The following PREP variants were observed in gnomAD, a reference collection of about 807,000 sequenced individuals.
The protein encoded by PREP is dJ355L5.1 (prolyl endopeptidase).
Under a neutral mutation model 87.6 loss-of-function variants are expected in PREP, and 29 were observed. That is an observed-to-expected ratio of 0.33 (90% confidence interval 0.25 to 0.45). The LOEUF is 0.45. Among genes scored for constraint, PREP ranks in the 20% least tolerant of loss-of-function variants. The probability of loss-of-function intolerance (pLI) is 1.00; values close to 1 mark genes in which losing one functional copy is unlikely to be tolerated. For missense variants in PREP, 695 were observed against 886.5 expected (o/e 0.78, Z 2.74); for synonymous variants, 337 against 328.6 (o/e 1.03, Z -0.28).
intron 7 of PREP, among the ~76,000 whole-genome samples, chr6:105,337,119 G>A (rs748160561): frequency 9.9e-5 from 15 of 151,954 alleles, no homozygotes; most frequent in East Asian, 1.9e-4. Flanking sequence ...TACCGTATTC[G>A]TTTTTCACTA....
At chr6:105,286,152 T>C (rs1770185478) in intron 11 of PREP, among the ~76,000 whole-genome samples, 1 of 152,166 alleles carries the variant, frequency 6.6e-6, no homozygotes, top group Non-Finnish European at 1.5e-5. Context: ...CCATTCATAA[T>C]ATAAACAAAC....
chr6:105,398,016 G>A, intron 1 of PREP, 89 bp from the exon 2 acceptor site: 1 of 1,047,846 alleles, frequency 9.5e-7, no homozygotes, highest in Non-Finnish European at 1.4e-6. Flanking sequence ...AAATAGGAAA[G>A]GGATGGACAA....
chr6:105,310,503 A>C (rs978082473), intron 10 of PREP, among the ~76,000 whole-genome samples: 1 of 151,928 alleles, frequency 6.6e-6, no homozygotes, highest in Admixed American at 6.6e-5. Context: ...TTCCTTCCTC[A>C]TTTGCCCAAC....
chr6:105,367,100 A>C (rs976136850), intron 6 of PREP, among the ~76,000 whole-genome samples: 8 of 152,252 alleles, frequency 5.3e-5, no homozygotes, highest in African/African-American at 1.4e-4. Context: ...ACTTAAGTAC[A>C]ATTTGTAAGT....
At chr6:105,388,819 T>A (rs1219285086) in intron 2 of PREP, among the ~76,000 whole-genome samples, 2 of 152,172 alleles carry the variant, frequency 1.3e-5, no homozygotes, top group Non-Finnish European at 2.9e-5. Flanking sequence ...GGGACATGAA[T>A]GAATGGGTAG....
At chr6:105,306,369 C>T (rs775574785) in intron 10 of PREP, among the ~76,000 whole-genome samples, 3 of 152,126 alleles carry the variant, frequency 2.0e-5, no homozygotes, top group Admixed American at 6.5e-5. Context: ...GTTCATTCAG[C>T]GCATTTCCAG....
chr6:105,324,319 T>C (rs575801525), intron 9 of PREP, among the ~76,000 whole-genome samples: 3 of 152,328 alleles, frequency 2.0e-5, no homozygotes, highest in African/African-American at 7.2e-5. Context: ...GGACCAAAGA[T>C]GATCAGTAGA....
chr6:105,289,411 T>C (rs1291904343), intron 10 of PREP, among the ~76,000 whole-genome samples: 1 of 152,228 alleles, frequency 6.6e-6, no homozygotes, highest in Non-Finnish European at 1.5e-5. Context: ...CATTTTTCTA[T>C]GCTGAACTAC....
intron 3 of PREP, among the ~76,000 whole-genome samples, chr6:105,377,141 G>A (rs981459777): frequency 1.3e-5 from 2 of 152,110 alleles, no homozygotes; most frequent in African/African-American, 4.8e-5. Flanking sequence ...CCGATAAGAC[G>A]ACGATTTCCT....
intron 5 of PREP, among the ~76,000 whole-genome samples, chr6:105,370,168 C>T (rs570754464): frequency 6.6e-6 from 1 of 151,720 alleles, no homozygotes; most frequent in Admixed American, 6.6e-5. Context: ...ACAAGAATTG[C>T]TTGAACCCGG....
At chr6:105,362,472 A>G (rs746268035) in intron 6 of PREP, among the ~76,000 whole-genome samples, 3 of 152,328 alleles carry the variant, frequency 2.0e-5, no homozygotes, top group Non-Finnish European at 4.4e-5. Flanking sequence ...CAAAGAAAGT[A>G]TCTACGGTTT....
chr6:105,319,785 T>G (rs1770958069), intron 10 of PREP, among the ~76,000 whole-genome samples: 1 of 152,192 alleles, frequency 6.6e-6, no homozygotes, highest in Non-Finnish European at 1.5e-5. Context: ...CAAGCCAGGA[T>G]GGCCTCTGAC....
chr6:105,348,108 T>C (rs1293376674), intron 7 of PREP, among the ~76,000 whole-genome samples: 1 of 152,192 alleles, frequency 6.6e-6, no homozygotes, highest in Non-Finnish European at 1.5e-5. Flanking sequence ...GCTAGCCTGG[T>C]GTCTTTAATG....
intron 6 of PREP, among the ~76,000 whole-genome samples, chr6:105,355,368 A>G (rs1187252460): frequency 6.6e-6 from 1 of 152,100 alleles, no homozygotes. Context: ...GCGCCCAGCC[A>G]AGGCTGTAGT....
chr6:105,402,418 T>TCTCACA (rs763516311), intron 1 of PREP, among the ~76,000 whole-genome samples: 1 of 147,220 alleles, frequency 6.8e-6, no homozygotes, highest in African/African-American at 2.5e-5. Flanking sequence ...AAATGTGACA[T>TCTCACA]CACACACACA....
intron 1 of PREP, among the ~76,000 whole-genome samples, chr6:105,399,579 C>T (rs1773370996): frequency 6.6e-6 from 1 of 152,186 alleles, no homozygotes; most frequent in African/African-American, 2.4e-5. Context: ...CATAAAGTTA[C>T]CAATTTTCAA....
intron 2 of PREP, among the ~76,000 whole-genome samples, chr6:105,384,507 T>C (rs144514024): frequency 1.4e-3 from 208 of 152,336 alleles, no homozygotes; most frequent in African/African-American, 4.6e-3. Flanking sequence ...TGTACCTCCA[T>C]CTGTCATAGA....
intron 6 of PREP, among the ~76,000 whole-genome samples, chr6:105,358,117 T>C (rs932712042): frequency 6.6e-6 from 1 of 152,012 alleles, no homozygotes; most frequent in South Asian, 2.1e-4. Context: ...TAAATCTATA[T>C]TATTTTAAAC....
chr6:105,359,015 C>T (rs1772174275), intron 6 of PREP, among the ~76,000 whole-genome samples: 2 of 152,236 alleles, frequency 1.3e-5, no homozygotes, highest in South Asian at 4.2e-4. Flanking sequence ...AGGAAAATTT[C>T]GGTCAACTTC....
Sources: gnomAD v4.1 joint callset for allele counts (sites outside exome capture counted in the v4.1 genomes callset) on GRCh38, gnomAD v4.1.1 for gene constraint, MANE v1.5 for transcripts, NCBI Gene and HGNC (gene_info 2026-07-23, HGNC 2026-07-21) for gene names.